Variants in APC observed in about 807,000 individuals in gnomAD.
APC encodes the protein APC regulator of Wnt signaling pathway.
Under a neutral mutation model 247.0 loss-of-function variants are expected in APC, and 72 were observed. The ratio of observed to expected loss-of-function variants is 0.29; its 90% confidence interval spans 0.24 to 0.35. The LOEUF is 0.35. Among genes scored for constraint, APC ranks in the 10% least tolerant of loss-of-function variants. The probability of loss-of-function intolerance (pLI) is 1.00; values close to 1 mark genes in which losing one functional copy is unlikely to be tolerated. For missense variants in APC, 3,400 were observed against 3,360.7 expected (o/e 1.01, Z -0.29); for synonymous variants, 1,254 against 1,162.5 (o/e 1.08, Z -1.60).
rs1763875692 is a variant in APC, at chr5:112,827,963, C to T, written c.1583C>T (p.Ala528Val). 1 of 1,613,294 alleles carries T rather than the reference C, an allele frequency of 6.2e-7. No homozygotes were observed. The highest frequency in any genetic ancestry group is 8.5e-7 in the Non-Finnish European group (1 of 1,179,908). ...TLCSMKGCMRALVAQLKSESE... is the reference protein window; with the variant it reads ...TLCSMKGCMRVLVAQLKSESE... The stretch of plus-strand genomic sequence containing the variant: ...TGCTCTATGAAAGGCTGCATGAGAG[C>T]ACTTGTGGCCCAACTAAAATCTGAA... The change falls in exon 13 of 16, where the codon GCA becomes GTA. Residue 528 changes from alanine to valine, a missense_variant. Physicochemically the swap from Ala to Val is moderately conservative, Grantham distance 64. Around this residue, in one of 9 missense-constraint regions of APC, gnomAD observed 184 missense variants for 248.0 expected, o/e 0.74. Transcript: ENST00000257430.
chr5:112,725,560 C>T (rs1263252903), intron 1 of APC, among the ~76,000 whole-genome samples: 1 of 151,728 alleles, frequency 6.6e-6, no homozygotes. Context: ...TTGAGACCAG[C>T]CGGGGCAACA....
chr5:112,757,259 A>C (rs186793786), intron 2 of APC, among the ~76,000 whole-genome samples: 1 of 152,112 alleles, frequency 6.6e-6, no homozygotes, highest in Admixed American at 6.5e-5. Flanking sequence ...ACCATGAGCT[A>C]TTTATTTTGT....
rs1765903528 is a variant in APC at position 112,840,860 on chromosome 5, T to C, written c.5266T>C (p.Ser1756Pro). Reference sequence around the variant, plus strand: ...GGACCAGGTCCAGCAAGCATCTGCGTCTTCTTCTGCACCCAACAAAAATCA... The same window carrying C: ...GGACCAGGTCCAGCAAGCATCTGCGCCTTCTTCTGCACCCAACAAAAATCA... The part of the protein sequence containing the change: ...IMDQVQQASA[S>P]SSAPNKNQLD... The change falls in exon 16 of 16, where the codon TCT becomes CCT. Residue 1756 changes from serine (S) to proline (P), a missense_variant. Around this residue, in one of 9 missense-constraint regions of APC, gnomAD observed 1,788 missense variants for 1,649.5 expected, o/e 1.08. Transcript: ENST00000257430. The surrounding 1 kb of genome is among the most constrained non-coding windows in gnomAD (Gnocchi z 4.1). 1 of 1,614,086 alleles carries C rather than the reference T, an allele frequency of 6.2e-7. No individual in the cohort carries two copies. The highest frequency in any genetic ancestry group is 1.7e-5 in the Admixed American group (1 of 60,014).
intron 1 of APC, among the ~76,000 whole-genome samples, chr5:112,722,976 CCTCT>C (rs2149659731): frequency 6.6e-6 from 1 of 152,206 alleles, no homozygotes; most frequent in South Asian, 2.1e-4. Flanking sequence ...CTCTTCTTGG[CCTCT>C]CTGTGTAGCA....
intron 1 of APC, among the ~76,000 whole-genome samples, chr5:112,753,912 A>G (rs1754661361): frequency 6.6e-6 from 1 of 152,236 alleles, no homozygotes; most frequent in Non-Finnish European, 1.5e-5. Context: ...TATTTGTTCC[A>G]AAATGATTTG....
intron 1 of APC, among the ~76,000 whole-genome samples, chr5:112,747,688 A>G (rs1753847942): frequency 6.6e-6 from 1 of 152,226 alleles, no homozygotes; most frequent in African/African-American, 2.4e-5. Context: ...GAGACATTCA[A>G]ATTGACATTG....
intron 1 of APC, among the ~76,000 whole-genome samples, chr5:112,710,538 A>T (rs1388673553): frequency 6.6e-6 from 1 of 151,986 alleles, no homozygotes; most frequent in Non-Finnish European, 1.5e-5. Context: ...CACCTTCTTC[A>T]GCCTCTCCCT....
Position 112,843,919 on chromosome 5 carries a change from G to A in APC, c.8325G>A (p.Gly2775=), listed in dbSNP as rs770719841. Residue 2775 remains glycine (G), a synonymous_variant, in exon 16 of 16, where the codon GGG becomes GGA. Coordinates refer to ENST00000257430, the MANE Select transcript of APC (RefSeq NM_000038.6). This position sits in a 1 kb window ranked among gnomAD's most constrained non-coding sequence, Gnocchi z 4.8. ...CAAGCAAACACAGTTCACCTAGTGG[G>A]ACTGTTGCTGCCAGAGTGACTCCTT... ...SSSSKHSSPS[G]TVAARVTPFN... is the part of the protein sequence containing the mutation. The A allele has an allele frequency of 4.0e-5, 65 of 1,612,940 alleles. No homozygotes were observed. Among genetic ancestry groups the A allele is most frequent in the Admixed American group, 1.0e-4 (6 of 59,954 alleles).
rs186099896 is a variant in APC at position 112,709,708 on chromosome 5, C to T, written c.165+1826C>T. The stretch of plus-strand genomic sequence containing the variant: ...CATGAGTCCAGGAGTTCGAGACCAG[C>T]CTAGGCAACATGGCAAAGCCTCATC... On this transcript the variant is annotated intron_variant, in intron 1 of 13. Coordinates refer to the APC transcript ENST00000507379. 1.4e-3 allele frequency among the ~76,000 whole-genome samples: 213 copies of T among 152,206 alleles called. 1 individual carries two copies. Among genetic ancestry groups the T allele is most frequent in the African/African-American group, 4.9e-3 (203 of 41,520 alleles).
intron 6 of APC, among the ~76,000 whole-genome samples, chr5:112,788,330 A>G (rs1276131324): frequency 6.6e-6 from 1 of 152,200 alleles, no homozygotes; most frequent in Non-Finnish European, 1.5e-5. Context: ...GCTTTTGATT[A>G]GAATTACATT....
chr5:112,795,611 G>T (rs1760136345), intron 7 of APC, among the ~76,000 whole-genome samples: 1 of 151,868 alleles, frequency 6.6e-6, no homozygotes, highest in Admixed American at 6.6e-5. Flanking sequence ...AAATTCCAAG[G>T]GTATTTGAAG....
At chr5:112,796,549 A>G (rs1414605292) in intron 7 of APC, among the ~76,000 whole-genome samples, 5 of 151,960 alleles carry the variant, frequency 3.3e-5, no homozygotes, top group Non-Finnish European at 5.9e-5. Flanking sequence ...TAAGTCAAAT[A>G]TTTGCAATTT....
intron 1 of APC, among the ~76,000 whole-genome samples, chr5:112,716,662 G>A (rs557863140): frequency 6.6e-6 from 1 of 152,220 alleles, no homozygotes; most frequent in East Asian, 1.9e-4. Context: ...CATTATGATT[G>A]TGGATTTGAG....
intron 11 of APC, among the ~76,000 whole-genome samples, chr5:112,826,644 G>A (rs1031382190): frequency 6.7e-6 from 1 of 149,146 alleles, no homozygotes; most frequent in Non-Finnish European, 1.5e-5. Flanking sequence ...TCATTTAAAG[G>A]CATCCGTATT....
At chr5:112,802,799 A>G (rs1187977034) in intron 8 of APC, among the ~76,000 whole-genome samples, 2 of 152,172 alleles carry the variant, frequency 1.3e-5, no homozygotes, top group African/African-American at 2.4e-5. Flanking sequence ...CGAGATTCCA[A>G]AACAAACAAC....
chr5:112,729,086 ACTT>A (rs1315061862), intron 1 of APC, among the ~76,000 whole-genome samples: 2 of 152,286 alleles, frequency 1.3e-5, no homozygotes, highest in Non-Finnish European at 1.5e-5. Context: ...TTGTATTAAA[ACTT>A]CTTCTGTAAA....
chr5:112,734,021 G>A (rs187766067), upstream of APC, among the ~76,000 whole-genome samples: 15 of 152,286 alleles, frequency 9.8e-5, no homozygotes, highest in Admixed American at 5.9e-4. Flanking sequence ...AGTCTTGCCC[G>A]TAGAAGACTA....
chr5:112,797,204 G>A (rs1760301034), intron 7 of APC, among the ~76,000 whole-genome samples: 1 of 152,142 alleles, frequency 6.6e-6, no homozygotes, highest in South Asian at 2.1e-4. Flanking sequence ...CTGATAGTTT[G>A]TAAATGTAAG....
chr5:112,820,629 C>G (rs1158307355), intron 10 of APC, among the ~76,000 whole-genome samples: 3 of 152,014 alleles, frequency 2.0e-5, no homozygotes, highest in African/African-American at 7.2e-5. Context: ...ACGTAATGAC[C>G]CACATTTTGT....
Sources: gnomAD v4.1 joint callset for allele counts (sites outside exome capture counted in the v4.1 genomes callset) on GRCh38, gnomAD v4.1.1 for gene constraint, gnomAD v4.1.1 regional missense constraint, Gnocchi (gnomAD v3.1) non-coding constraint, MANE v1.5 for transcripts, NCBI Gene and HGNC (gene_info 2026-07-23, HGNC 2026-07-21) for gene names.